Variants in CREG1 observed in about 807,000 individuals in gnomAD.
CREG1 encodes protein CREG1.
CREG1 carries 20 observed loss-of-function variants against 19.9 expected under a neutral mutation model. That is an observed-to-expected ratio of 1.01 (90% confidence interval 0.71 to 1.46). The LOEUF is 1.46. Ranked by LOEUF, CREG1 falls within the 40% of genes most tolerant of loss-of-function variation. The pLI, the probability that CREG1 is intolerant of heterozygous loss-of-function variation, is 0.00. For missense variants in CREG1, 290 were observed against 314.9 expected, an observed-to-expected ratio of 0.92 and a Z score of 0.60; for synonymous variants, 141 against 143.3, an observed-to-expected ratio of 0.98 and a Z score of 0.12.
chr1:167,543,358 C>T (rs75200443), intron 3 of CREG1, among the ~76,000 whole-genome samples: 1,845 of 152,320 alleles, frequency 0.012, 37 homozygotes, highest in African/African-American at 0.042. Context: ...ACCCAACAGT[C>T]CAATGAGGCA....
At chr1:167,550,545 C>CA (rs1204931233) in intron 1 of CREG1, among the ~76,000 whole-genome samples, 2 of 151,978 alleles carry the variant, frequency 1.3e-5, no homozygotes, top group Non-Finnish European at 2.9e-5. Context: ...AAGAAGGCAA[C>CA]AAAAAACTGT....
In CREG1 at chr1:167,542,286, CCA is replaced by C. The variant is rs1366673814; in HGVS notation, c.*10_*11del. On this transcript the variant is annotated 3_prime_UTR_variant, in exon 4 of 4. Transcript: ENST00000370509. ...AACTTCATAAGTGTTGCTAAATTCA[CCA>C]CAGTCTGCTTCACCTAGAAAGGGGA... 9.4e-6 allele frequency: 15 copies of C among 1,601,250 alleles called. No homozygotes were observed. The highest frequency in any genetic ancestry group is 1.3e-5 in the African/African-American group (1 of 74,260).
Position 167,541,376 on chromosome 1 carries a change from G to A in CREG1, c.*922C>T, listed in dbSNP as rs1170665901. 6.6e-6 allele frequency: 1 copy of A among 152,234 alleles called. No individual in the cohort carries two copies. The highest frequency in any genetic ancestry group is 2.4e-5 in the African/African-American group (1 of 41,456). 9.4% of individuals were successfully genotyped at this position (152,234 alleles called of 1,614,324 possible). On this transcript the variant is annotated 3_prime_UTR_variant, in exon 4 of 4. Transcript: ENST00000370509. ...AGCTATTAAGAGATTTGGGGCAGTT[G>A]AGGAAGCCTTAGGTAATTGTTAAGA...
At position 167,541,261 on chromosome 1, in the gene CREG1, T is replaced by C. The variant is rs1656216993; in HGVS notation, c.*1037A>G. On this transcript the variant is annotated 3_prime_UTR_variant, in exon 4 of 4. Transcript: ENST00000370509. ...CTGAAATCATGTATATGGGTAATAA[T>C]ATTAGTGTCTTCTCTTCTGAAGATG... 1 of 152,222 alleles carries C rather than the reference T, an allele frequency of 6.6e-6. No homozygotes were observed. The highest frequency in any genetic ancestry group is 2.1e-4 in the South Asian group (1 of 4,834). 9.4% of individuals were successfully genotyped at this position (152,222 alleles called of 1,614,324 possible). A position where few individuals can be genotyped will look rare whatever the true frequency, so the allele number is the denominator to read the frequency against.
chr1:167,550,321 C>T (rs1272809704), intron 1 of CREG1, among the ~76,000 whole-genome samples: 1 of 152,192 alleles, frequency 6.6e-6, no homozygotes, highest in Non-Finnish European at 1.5e-5. Flanking sequence ...TCCCAGGTAG[C>T]TCTTACGCAG....
Position 167,542,134 on chromosome 1 carries a change from CTA to C in CREG1, c.*162_*163del. ...CAGGAAATCCAATAACAGGTCAACT[CTA>C]TTGGTAAACAAGCAAGTAAACAAGC... On this transcript the variant is annotated 3_prime_UTR_variant, in exon 4 of 4. Coordinates refer to ENST00000370509, the MANE Select transcript of CREG1 (RefSeq NM_003851.3). 1.7e-6 allele frequency: 1 copy of C among 577,036 alleles called. No homozygotes were observed. The highest frequency in any genetic ancestry group is 2.9e-6 in the Non-Finnish European group (1 of 340,934). The allele number at this position is 577,036 out of a possible 1,614,324, so 35.7% of individuals were successfully genotyped here. A position where few individuals can be genotyped will look rare whatever the true frequency, so the allele number is the denominator to read the frequency against.
chr1:167,553,271 G>T, intron 1 of CREG1, 117 bp downstream of exon 1: 1 of 812,926 alleles, frequency 1.2e-6, no homozygotes, highest in Non-Finnish European at 1.7e-6. Context: ...CGGCAGAGAA[G>T]CAACAGCCGT....
intron 3 of CREG1, 47 bp downstream of exon 3, chr1:167,546,054 T>C (rs1476996872): frequency 2.0e-6 from 3 of 1,506,526 alleles, no homozygotes; most frequent in Non-Finnish European, 2.7e-6. Flanking sequence ...AGGCTGAGGA[T>C]GGCTGTAAGG....
At chr1:167,544,401 GA>G (rs1656284257) in intron 3 of CREG1, among the ~76,000 whole-genome samples, 1 of 152,024 alleles carries the variant, frequency 6.6e-6, no homozygotes, top group Admixed American at 6.6e-5. Flanking sequence ...TTCTACAATT[GA>G]AAAAGACAGA....
At chr1:167,550,143 C>T (rs1213005157) in intron 1 of CREG1, among the ~76,000 whole-genome samples, 5 of 152,186 alleles carry the variant, frequency 3.3e-5, no homozygotes, top group Non-Finnish European at 7.3e-5. Flanking sequence ...TCGTACACCA[C>T]CATACCCAGT....
At chr1:167,552,228 A>G (rs796289138) in intron 1 of CREG1, among the ~76,000 whole-genome samples, 4 of 152,350 alleles carry the variant, frequency 2.6e-5, no homozygotes, top group African/African-American at 9.6e-5. Flanking sequence ...AATGGGGTAT[A>G]TAATACCTAC....
At chr1:167,551,052 G>A (rs906652296) in intron 1 of CREG1, among the ~76,000 whole-genome samples, 1 of 152,184 alleles carries the variant, frequency 6.6e-6, no homozygotes, top group Non-Finnish European at 1.5e-5. Context: ...AGACTCACTG[G>A]CTCTGCAGCC....
chr1:167,542,431 T>C, intron 3 of CREG1, 130 bp from the exon 4 acceptor site: 1 of 824,472 alleles, frequency 1.2e-6, no homozygotes. Flanking sequence ...TTTCAACCAC[T>C]AGAATATACT....
In CREG1 at chr1:167,542,102, CA is replaced by C. The variant is rs1176907017; in HGVS notation, c.*195del. On this transcript the variant is annotated 3_prime_UTR_variant, in exon 4 of 4. Transcript: ENST00000370509. Reference sequence around the variant, plus strand: ...CAAAATAGGAAAAAAGTAGCTACCACATCTTCCAGGAAATCCAATAACAGGT... The same window carrying C: ...CAAAATAGGAAAAAAGTAGCTACCACTCTTCCAGGAAATCCAATAACAGGT... The C allele has an allele frequency of 4.1e-6, 2 of 486,808 alleles. No homozygotes were observed. The highest frequency in any genetic ancestry group is 3.6e-6 in the Non-Finnish European group (1 of 274,878). 30.2% of individuals were successfully genotyped at this position (486,808 alleles called of 1,614,324 possible).
intron 2 of CREG1, among the ~76,000 whole-genome samples, chr1:167,546,911 T>G (rs933259088): frequency 5.3e-5 from 8 of 152,256 alleles, no homozygotes; most frequent in African/African-American, 1.9e-4. Context: ...GCCTAAGACA[T>G]GTAATGTTTA....
chr1:167,552,512 G>A (rs986939865), intron 1 of CREG1, among the ~76,000 whole-genome samples: 70 of 152,284 alleles, frequency 4.6e-4, no homozygotes, highest in South Asian at 4.3e-3. Flanking sequence ...CCAGAAGGTG[G>A]GCAAAGGGCG....
At position 167,546,176 on chromosome 1, in the gene CREG1, G is replaced by T. The variant is rs1656318895; in HGVS notation, c.584C>A (p.Thr195Asn). 2 of 1,613,390 alleles carry T rather than the reference G, an allele frequency of 1.2e-6. No individual in the cohort carries two copies. Among genetic ancestry groups the T allele is most frequent in the South Asian group, 2.2e-5 (2 of 90,918 alleles). The change falls in exon 3 of 4, where the codon ACC becomes AAC. Residue 195 changes from threonine (T) to asparagine (N), a missense_variant. Transcript: ENST00000370509. ...HNWFFAKLNI[T>N]NIWVLDYFGG... ...AAAGTAGTCCAGGACCCAGATATTG[G>T]TTATATTCAACTTAGCAAAGAACCA...
rs956602663 is a variant in CREG1 at position 167,541,257 on chromosome 1, A to G, written c.*1041T>C. On this transcript the variant is annotated 3_prime_UTR_variant, in exon 4 of 4. Coordinates refer to ENST00000370509, the MANE Select transcript of CREG1 (RefSeq NM_003851.3). ...TCTTCTGAAATCATGTATATGGGTA[A>G]TAATATTAGTGTCTTCTCTTCTGAA... 3 of 152,190 alleles carry G rather than the reference A, an allele frequency of 2.0e-5. No individual in the cohort carries two copies. The highest frequency in any genetic ancestry group is 2.9e-5 in the Non-Finnish European group (2 of 68,032). The allele number at this position is 152,190 out of a possible 1,614,324, so 9.4% of individuals were successfully genotyped here.
chr1:167,551,046 T>C (rs1558048437), intron 1 of CREG1, among the ~76,000 whole-genome samples: 1 of 152,180 alleles, frequency 6.6e-6, no homozygotes, highest in East Asian at 1.9e-4. Context: ...CCCTTCAGAC[T>C]CACTGGCTCT....
Sources: gnomAD v4.1 joint callset for allele counts (sites outside exome capture counted in the v4.1 genomes callset) on GRCh38, gnomAD v4.1.1 for gene constraint, MANE v1.5 for transcripts, NCBI Gene and HGNC (gene_info 2026-07-23, HGNC 2026-07-21) for gene names.